NPHP4: variants seen among roughly 807,000 people sequenced by gnomAD.
NPHP4 encodes the protein nephrocystin-4.
Under a neutral mutation model 155.8 loss-of-function variants are expected in NPHP4, and 151 were observed. The observed-to-expected ratio is 0.97, with a 90% CI of 0.85 to 1.11. NPHP4 has a LOEUF of 1.11. Among genes scored for constraint, NPHP4 ranks in the 50% least tolerant of loss-of-function variants. NPHP4 has a pLI of 0.00. For synonymous variants in NPHP4, 845 were observed against 816.8 expected (o/e 1.03, Z -0.59); for missense variants, 1,956 against 1,925.7 (o/e 1.02, Z -0.29).
At chr1:5,989,007 C>A (rs1296650653) in intron 1 of NPHP4, among the ~76,000 whole-genome samples, 1 of 152,162 alleles carries the variant, frequency 6.6e-6, no homozygotes. Flanking sequence ...GCTCAACTTC[C>A]CTTGTTTTGT....
intron 3 of NPHP4, among the ~76,000 whole-genome samples, chr1:5,976,819 G>A (rs937540825): frequency 1.3e-5 from 2 of 152,174 alleles, no homozygotes; most frequent in African/African-American, 4.8e-5. Context: ...CCAAGCGCTG[G>A]GTGATGGTGG....
In NPHP4 at chr1:5,875,119, G is replaced by C; in HGVS notation, c.2818-19C>G. The stretch of plus-strand genomic sequence containing the variant: ...GCTGCGCCTGCAGACAAGAGGACAT[G>C]GGTGGACAGGGTCCCAGGCACACTC... On this transcript the variant is annotated intron_variant, in intron 20 of 29. Coordinates refer to ENST00000378156, the MANE Select transcript of NPHP4 (RefSeq NM_015102.5). 1 of 1,559,980 alleles carries C rather than the reference G, an allele frequency of 6.4e-7. No homozygotes were observed.
chr1:5,905,147 CAAGAG>C lies in NPHP4; in HGVS notation c.1955+140_1955+144del. On this transcript the variant is annotated intron_variant, in intron 15 of 29. Coordinates refer to ENST00000378156, the MANE Select transcript of NPHP4 (RefSeq NM_015102.5). This position sits in a 1 kb window ranked among gnomAD's most constrained non-coding sequence, Gnocchi z 4.0. ...TAGCATGCTGTGGGTGGGTCCTAGC[CAAGAG>C]AAGATAAAAACAGATGGCACTCCCG... 4.2e-6 allele frequency: 3 copies of C among 708,020 alleles called. No homozygotes were observed. Among genetic ancestry groups the C allele is most frequent in the Non-Finnish European group, 7.5e-6 (3 of 401,830 alleles). 43.9% of individuals were successfully genotyped at this position (708,020 alleles called of 1,614,324 possible). A position where few individuals can be genotyped will look rare whatever the true frequency, so the allele number is the denominator to read the frequency against.
rs1648419497 is a variant in NPHP4, at chr1:5,952,813, G to A, written c.697C>T (p.Leu233Phe). ...ESGDALRKPR[L>F]QKPITGHLDD... ...AAGTGCCCCGTGATGGGCTTCTGGA[G>A]GCGAGGCTTTCGGAGAGCGTCGCCT... Residue 233 changes from leucine to phenylalanine, a missense_variant, in exon 7 of 30, where the codon CTC becomes TTC. Physicochemically the swap from Leu to Phe is conservative, Grantham distance 22. Coordinates refer to ENST00000378156, the MANE Select transcript of NPHP4 (RefSeq NM_015102.5). 6.2e-7 allele frequency: 1 copy of A among 1,601,028 alleles called. No individual in the cohort carries two copies.
chr1:5,948,364 A>T (rs1159286594), intron 7 of NPHP4, 113 bp from the exon 8 acceptor site: 4 of 727,424 alleles, frequency 5.5e-6, no homozygotes, highest in Non-Finnish European at 8.8e-6. Flanking sequence ...GTTGCAGATA[A>T]CTGCAGATCA....
At chr1:5,971,461 G>A (rs966760444) in intron 3 of NPHP4, among the ~76,000 whole-genome samples, 3 of 152,182 alleles carry the variant, frequency 2.0e-5, no homozygotes, top group African/African-American at 7.2e-5. Flanking sequence ...CTCCAGTGTG[G>A]GAACAGCCCC....
intron 17 of NPHP4, chr1:5,888,670 A>C (rs1311748611): frequency 8.0e-7 from 1 of 1,248,210 alleles, no homozygotes. Flanking sequence ...AGGCAAGGAA[A>C]TGCGAATGAA....
At chr1:5,939,913 G>A (rs962507525) in intron 9 of NPHP4, among the ~76,000 whole-genome samples, 2 of 152,108 alleles carry the variant, frequency 1.3e-5, no homozygotes, top group African/African-American at 4.8e-5. Flanking sequence ...ACCCCCACCA[G>A]GACCCCAGGG....
intron 2 of NPHP4, among the ~76,000 whole-genome samples, chr1:5,985,803 C>A (rs947053971): frequency 1.2e-4 from 19 of 152,186 alleles, no homozygotes; most frequent in African/African-American, 4.3e-4. Flanking sequence ...GGGACTCTAT[C>A]CTGTTTAAGT....
intron 18 of NPHP4, among the ~76,000 whole-genome samples, chr1:5,886,127 C>T (rs928024248): frequency 1.3e-5 from 2 of 152,240 alleles, no homozygotes; most frequent in African/African-American, 4.8e-5. Context: ...AAACAACCAA[C>T]TCGGTCTCAG....
chr1:5,885,613 G>A (rs1643727767), intron 18 of NPHP4, among the ~76,000 whole-genome samples: 1 of 152,242 alleles, frequency 6.6e-6, no homozygotes, highest in South Asian at 2.1e-4. Context: ...CCCCAGCCAT[G>A]GCACAGGTTT....
chr1:5,912,666 G>A, intron 11 of NPHP4, among the ~76,000 whole-genome samples: 1 of 152,082 alleles, frequency 6.6e-6, no homozygotes, highest in Non-Finnish European at 1.5e-5. Flanking sequence ...TTCCTACATT[G>A]CCCATAAAAC....
chr1:5,954,071 G>A (rs1648724156), intron 6 of NPHP4, among the ~76,000 whole-genome samples: 1 of 152,184 alleles, frequency 6.6e-6, no homozygotes, highest in Non-Finnish European at 1.5e-5. Context: ...TTGCCTTTGA[G>A]TATGTCAAAA....
intron 27 of NPHP4, chr1:5,864,821 G>A (rs56293443): frequency 0.12 from 67,123 of 539,624 alleles, 4,722 homozygotes; most frequent in Non-Finnish European, 0.15. Context: ...CTCCCACCCC[G>A]TCTAACTGTG....
At chr1:5,873,121 AGGCCCACGCCACCCCTGCCCTGACCT>A in intron 23 of NPHP4, 105 bp downstream of exon 23, 1 of 771,802 alleles carries the variant, frequency 1.3e-6, no homozygotes, top group Non-Finnish European at 2.2e-6. Context: ...GGCCATTCCC[AGGCCCACGCCACCCCTGCCCTGACCT>A]GGCCCCAGCC....
intron 16 of NPHP4, among the ~76,000 whole-genome samples, chr1:5,898,572 A>G (rs929514257): frequency 2.0e-5 from 3 of 152,222 alleles, no homozygotes; most frequent in African/African-American, 4.8e-5. Flanking sequence ...CTCTGAGTGG[A>G]TCTTCCTCCT....
At chr1:5,893,144 G>A (rs1395782043) in intron 16 of NPHP4, among the ~76,000 whole-genome samples, 1 of 152,116 alleles carries the variant, frequency 6.6e-6, no homozygotes, top group African/African-American at 2.4e-5. Context: ...TAATAAAAAC[G>A]AACCATGTAT....
intron 1 of NPHP4, among the ~76,000 whole-genome samples, 178 bp downstream of exon 1, chr1:5,992,066 C>A (rs895669492): frequency 1.3e-5 from 2 of 150,894 alleles, no homozygotes; most frequent in Admixed American, 1.3e-4. Flanking sequence ...GGACAGCCCC[C>A]GCCGCGCGCC....
chr1:5,922,982 G>A (rs1028598449), intron 11 of NPHP4, among the ~76,000 whole-genome samples: 2 of 152,220 alleles, frequency 1.3e-5, no homozygotes, highest in Non-Finnish European at 2.9e-5. Context: ...GAGCAACGAA[G>A]TGAGAATTTA....
Sources: gnomAD v4.1 joint callset for allele counts (sites outside exome capture counted in the v4.1 genomes callset) on GRCh38, gnomAD v4.1.1 for gene constraint, Gnocchi (gnomAD v3.1) non-coding constraint, MANE v1.5 for transcripts, NCBI Gene and HGNC (gene_info 2026-07-23, HGNC 2026-07-21) for gene names.